Variants in FRMD4A observed in about 807,000 individuals in gnomAD.
FRMD4A encodes the protein FERM domain-containing protein 4A.
In FRMD4A, 29 loss-of-function variants were observed where a neutral mutation model predicts 129.1. The observed-to-expected ratio is 0.22, with a 90% confidence interval of 0.17 to 0.31. The LOEUF (loss-of-function observed/expected upper bound fraction) is 0.31, where lower values mean the gene tolerates loss of function less well. FRMD4A is among the 10% of genes least tolerant of loss of function. The pLI is 1.00. For synonymous variants in FRMD4A, 634 were observed against 571.6 expected (o/e 1.11, Z -1.56); for missense variants, 1,272 against 1,375.8 (o/e 0.92, Z 1.19).
chr10:14,257,792 G>A (rs1402762494), intron 2 of FRMD4A, among the ~76,000 whole-genome samples: 1 of 152,184 alleles, frequency 6.6e-6, no homozygotes, highest in Non-Finnish European at 1.5e-5. Flanking sequence ...AGAAAAGAAA[G>A]CATCCAAACC....
rs144511519 is a variant in FRMD4A, at chr10:14,289,951, A to G, written c.45+40107T>C. Among the ~76,000 whole-genome samples the G allele has an allele frequency of 2.5e-4, 38 of 152,178 alleles. 1 individual carries two copies. The highest frequency in any genetic ancestry group is 8.4e-4 in the African/African-American group (35 of 41,580). Reference sequence around the variant, plus strand: ...CAAAATATAAAAATCAGTTTTTTCTATACATTAATGATGAACTATATAAAA... The same window carrying G: ...CAAAATATAAAAATCAGTTTTTTCTGTACATTAATGATGAACTATATAAAA... On this transcript the variant is annotated intron_variant, in intron 2 of 24. Transcript: ENST00000357447.
chr10:14,033,588 C>T (rs984805829), intron 2 of FRMD4A, among the ~76,000 whole-genome samples: 1 of 152,000 alleles, frequency 6.6e-6, no homozygotes, highest in African/African-American at 2.4e-5. Flanking sequence ...AGTTCAAGAC[C>T]AGCCTGGCCA....
At chr10:14,263,682 A>G (rs906403345) in intron 2 of FRMD4A, among the ~76,000 whole-genome samples, 7 of 152,080 alleles carry the variant, frequency 4.6e-5, no homozygotes, top group Admixed American at 1.3e-4. Flanking sequence ...TGGGCCCTCT[A>G]AGCTCCTTCG....
chr10:13,863,237 A>G (rs1163514150), intron 2 of FRMD4A, among the ~76,000 whole-genome samples: 2 of 152,224 alleles, frequency 1.3e-5, no homozygotes, highest in African/African-American at 4.8e-5. Context: ...GTGCAGAAAC[A>G]TGTAAACACA....
chr10:13,781,186 C>T (rs925992113), intron 6 of FRMD4A, among the ~76,000 whole-genome samples: 1 of 151,452 alleles, frequency 6.6e-6, no homozygotes, highest in East Asian at 2.0e-4. Context: ...CACCTGTAGT[C>T]CCAGCTACTT....
At chr10:13,952,972 C>T (rs1157809540) in intron 2 of FRMD4A, among the ~76,000 whole-genome samples, 1 of 152,168 alleles carries the variant, frequency 6.6e-6, no homozygotes, top group South Asian at 2.1e-4. Context: ...GCTGGGATTA[C>T]AGGTGTGAGC....
At chr10:13,938,115 T>G (rs1034508708) in intron 2 of FRMD4A, among the ~76,000 whole-genome samples, 1 of 152,218 alleles carries the variant, frequency 6.6e-6, no homozygotes, top group South Asian at 2.1e-4. Context: ...AATCTTCTAA[T>G]TTTTAAAGAC....
At chr10:13,967,037 G>T (rs978694403) in intron 2 of FRMD4A, among the ~76,000 whole-genome samples, 2 of 152,184 alleles carry the variant, frequency 1.3e-5, no homozygotes, top group Admixed American at 6.5e-5. Context: ...GGATGCACAG[G>T]CGTAAGAATG....
At chr10:14,015,528 C>T (rs2095696448) in intron 2 of FRMD4A, among the ~76,000 whole-genome samples, 1 of 151,934 alleles carries the variant, frequency 6.6e-6, no homozygotes, top group Non-Finnish European at 1.5e-5. Context: ...GATGTTTAGA[C>T]TGAATTGTGC....
chr10:14,180,066 AAAAC>A (rs1193932084), intron 2 of FRMD4A, among the ~76,000 whole-genome samples: 1 of 152,160 alleles, frequency 6.6e-6, no homozygotes, highest in Non-Finnish European at 1.5e-5. Flanking sequence ...ACAAAACCAA[AAAAC>A]AAACAAACAA....
At chr10:13,983,774 C>T (rs945388705) in intron 2 of FRMD4A, among the ~76,000 whole-genome samples, 1 of 151,418 alleles carries the variant, frequency 6.6e-6, no homozygotes, top group Admixed American at 6.6e-5. Context: ...CCGAGGCAGG[C>T]GGATCACCTT....
At position 13,720,090 on chromosome 10, in the gene FRMD4A, C is replaced by T. The variant is rs997042692; in HGVS notation, c.760-12977G>A. 5.7e-4 allele frequency among the ~76,000 whole-genome samples: 86 copies of T among 152,168 alleles called. 1 individual carries two copies. Among genetic ancestry groups the T allele is most frequent in the Admixed American group, 5.2e-3 (80 of 15,280 alleles). ...TTGAGACAGAGTCTTGCTGTGTCGC[C>T]CAGGCTGTGGTGCAGTGGGGTGATC... On this transcript the variant is annotated intron_variant, in intron 12 of 24. Transcript: ENST00000357447.
intron 2 of FRMD4A, among the ~76,000 whole-genome samples, chr10:14,243,716 G>T (rs931481927): frequency 4.6e-5 from 7 of 151,224 alleles, no homozygotes; most frequent in Admixed American, 4.6e-4. Flanking sequence ...AGAAAAAAAA[G>T]AAAAACTTCT....
At chr10:13,987,476 TTA>T (rs2095585812) in intron 2 of FRMD4A, among the ~76,000 whole-genome samples, 1 of 152,176 alleles carries the variant, frequency 6.6e-6, no homozygotes, top group Non-Finnish European at 1.5e-5. Context: ...TATTTCTACA[TTA>T]AAGTCATTTC....
chr10:13,838,536 A>C (rs544172922), intron 3 of FRMD4A, among the ~76,000 whole-genome samples: 11 of 150,962 alleles, frequency 7.3e-5, no homozygotes, highest in Non-Finnish European at 1.3e-4. Flanking sequence ...TCTGTTGCCC[A>C]GGCTGGAGTG....
At chr10:13,766,976 G>A (rs188038205) in intron 6 of FRMD4A, among the ~76,000 whole-genome samples, 3 of 152,280 alleles carry the variant, frequency 2.0e-5, no homozygotes, top group Admixed American at 6.5e-5. Flanking sequence ...AGGAGGCTGA[G>A]GCAGGAGAAT....
intron 2 of FRMD4A, among the ~76,000 whole-genome samples, chr10:13,880,661 A>T (rs1041477280): frequency 6.6e-6 from 1 of 151,898 alleles, no homozygotes; most frequent in African/African-American, 2.4e-5. Flanking sequence ...TCCCTGCCAC[A>T]CTTCTGCCTC....
chr10:13,950,658 C>T (rs2095364671), intron 2 of FRMD4A, among the ~76,000 whole-genome samples: 1 of 152,182 alleles, frequency 6.6e-6, no homozygotes, highest in African/African-American at 2.4e-5. Flanking sequence ...ATACTCTAGC[C>T]ACACTGTCTT....
intron 2 of FRMD4A, chr10:13,871,236 A>G (rs917494116): frequency 1.9e-5 from 3 of 161,382 alleles, no homozygotes; most frequent in Admixed American, 6.6e-5. Flanking sequence ...TCCCAATACT[A>G]TTCACGCTTC....
Sources: allele counts gnomAD v4.1 joint callset (sites outside exome capture counted in the v4.1 genomes callset), GRCh38; gene constraint gnomAD v4.1.1; transcripts MANE v1.5; gene names NCBI Gene and HGNC (gene_info 2026-07-23, HGNC 2026-07-21).